Variants in CPQ observed in about 807,000 individuals in gnomAD.
CPQ encodes Ser-Met dipeptidase.
A neutral mutation model predicts 45.7 loss-of-function variants in CPQ; 37 were observed. The ratio of observed to expected loss-of-function variants is 0.81; its 90% CI spans 0.62 to 1.07. The LOEUF (loss-of-function observed/expected upper bound fraction) is 1.07, where lower values mean the gene tolerates loss of function less well. Ranked by LOEUF, CPQ falls within the 50% of genes least tolerant of loss-of-function variation. The pLI is 0.00. For synonymous variants in CPQ, 186 were observed against 205.8 expected, an observed-to-expected ratio of 0.90 and a Z score of 0.82; for missense variants, 537 against 572.9, an observed-to-expected ratio of 0.94 and a Z score of 0.64.
intron 5 of CPQ, among the ~76,000 whole-genome samples, chr8:97,009,066 C>T (rs1158558269): frequency 6.6e-6 from 1 of 152,208 alleles, no homozygotes; most frequent in Non-Finnish European, 1.5e-5. Flanking sequence ...GATCCCATCT[C>T]GTCCTATCCA....
chr8:96,670,310 A>ATTTTTTTTTTT (rs76070257), intron 1 of CPQ, among the ~76,000 whole-genome samples: 2 of 143,996 alleles, frequency 1.4e-5, no homozygotes, highest in African/African-American at 5.3e-5. Context: ...GAGTGACTCA[A>ATTTTTTTTTTT]TTTTTTTTTT....
intron 1 of CPQ, among the ~76,000 whole-genome samples, chr8:96,731,274 C>T (rs562567817): frequency 3.1e-4 from 47 of 152,202 alleles, no homozygotes; most frequent in African/African-American, 1.0e-3. Flanking sequence ...ACCTATCTCA[C>T]AGGTTGTAAT....
intron 7 of CPQ, among the ~76,000 whole-genome samples, chr8:97,112,163 T>A (rs535779481): frequency 1.2e-3 from 86 of 69,414 alleles, no homozygotes; most frequent in East Asian, 4.0e-3. Flanking sequence ...TTTTTTTTTA[T>A]TTTTTTTTTT....
At chr8:96,653,578 C>A (rs926915633) in intron 1 of CPQ, among the ~76,000 whole-genome samples, 4 of 152,068 alleles carry the variant, frequency 2.6e-5, no homozygotes, top group Non-Finnish European at 5.9e-5. Context: ...GGAAGCCTTA[C>A]CAGTAACATA....
At chr8:96,965,172 G>A (rs932811254) in intron 4 of CPQ, among the ~76,000 whole-genome samples, 3 of 151,708 alleles carry the variant, frequency 2.0e-5, no homozygotes, top group African/African-American at 4.8e-5. Context: ...AATCTATAAT[G>A]CATAAAACAA....
At chr8:96,894,477 C>A (rs1335971216) in intron 4 of CPQ, among the ~76,000 whole-genome samples, 6 of 151,976 alleles carry the variant, frequency 3.9e-5, no homozygotes, top group Non-Finnish European at 8.8e-5. Flanking sequence ...GGCAAAGAGG[C>A]AAGTGTATGC....
chr8:96,962,278 T>C lies in CPQ; in HGVS notation c.850-3657T>C, dbSNP rs534536509. Among the ~76,000 whole-genome samples, 101 of 152,330 alleles carry C rather than the reference T, an allele frequency of 6.6e-4. 1 individual carries two copies. The South Asian group carries it at 0.021, about 31-fold the overall frequency. ...TGTTTTGTTACAGCTGCTACTGCTG[T>C]TGTTGTTTTCAGAGTAACTTTTTAC... On this transcript the variant is annotated intron_variant, in intron 4 of 7. Transcript: ENST00000220763.
At chr8:96,937,838 A>G (rs1438879065) in intron 4 of CPQ, among the ~76,000 whole-genome samples, 3 of 152,212 alleles carry the variant, frequency 2.0e-5, no homozygotes, top group African/African-American at 7.2e-5. Context: ...TATTCACAGG[A>G]TTACAGTGTC....
At chr8:97,121,540 A>G (rs879748018) in intron 7 of CPQ, among the ~76,000 whole-genome samples, 2 of 152,246 alleles carry the variant, frequency 1.3e-5, no homozygotes, top group Non-Finnish European at 2.9e-5. Flanking sequence ...TGCCAAAACA[A>G]TAGCCAACAC....
At chr8:96,734,155 C>A (rs1809947916) in intron 1 of CPQ, among the ~76,000 whole-genome samples, 1 of 152,136 alleles carries the variant, frequency 6.6e-6, no homozygotes, top group Admixed American at 6.5e-5. Flanking sequence ...ATTTGAGACA[C>A]ATCATCTTCC....
chr8:96,776,622 C>T lies in CPQ; in HGVS notation c.-34-8242C>T, dbSNP rs570243188. Reference sequence around the variant, plus strand: ...ATCAAAGGGCTTTGTTTTGTTTCCTCGAAATATAAACCTATTATTAGAATA... The same window carrying T: ...ATCAAAGGGCTTTGTTTTGTTTCCTTGAAATATAAACCTATTATTAGAATA... On this transcript the variant is annotated intron_variant, in intron 1 of 7. Coordinates refer to ENST00000220763, the MANE Select transcript of CPQ (RefSeq NM_016134.4). 5.3e-4 allele frequency among the ~76,000 whole-genome samples: 81 copies of T among 151,868 alleles called. No individual in the cohort carries two copies. In the South Asian group the frequency reaches 0.014, roughly 27 times the overall value.
intron 1 of CPQ, among the ~76,000 whole-genome samples, chr8:96,687,881 T>G (rs887358665): frequency 3.9e-5 from 6 of 152,124 alleles, no homozygotes; most frequent in African/African-American, 1.4e-4. Context: ...TTTTTTTTTG[T>G]TTGCAAATGG....
intron 7 of CPQ, among the ~76,000 whole-genome samples, chr8:97,122,827 G>A (rs1811730491): frequency 1.3e-5 from 2 of 148,302 alleles, no homozygotes; most frequent in African/African-American, 5.0e-5. Context: ...AGAGGTTTCA[G>A]TGAGCCAATA....
intron 1 of CPQ, among the ~76,000 whole-genome samples, chr8:96,750,069 G>A (rs1167622036): frequency 6.6e-6 from 1 of 151,698 alleles, no homozygotes; most frequent in South Asian, 2.1e-4. Context: ...TCAGATTTAA[G>A]AATCTATTTA....
At chr8:96,687,695 T>C (rs1316418411) in intron 1 of CPQ, among the ~76,000 whole-genome samples, 1 of 152,180 alleles carries the variant, frequency 6.6e-6, no homozygotes, top group Non-Finnish European at 1.5e-5. Flanking sequence ...TCGATTGTTA[T>C]TTCCCAGATA....
At chr8:97,030,096 AGAT>A in intron 6 of CPQ, among the ~76,000 whole-genome samples, 1 of 152,356 alleles carries the variant, frequency 6.6e-6, no homozygotes, top group Admixed American at 6.5e-5. Flanking sequence ...GGGGATAGGG[AGAT>A]TAATATCAAG....
intron 4 of CPQ, among the ~76,000 whole-genome samples, chr8:96,902,705 C>T (rs1798801558): frequency 6.6e-6 from 1 of 152,160 alleles, no homozygotes; most frequent in Non-Finnish European, 1.5e-5. Context: ...CTCTTCTTGC[C>T]ACTTCAGGAC....
chr8:96,897,418 AAAG>A (rs1425513218), intron 4 of CPQ, among the ~76,000 whole-genome samples: 4 of 152,136 alleles, frequency 2.6e-5, no homozygotes, highest in Non-Finnish European at 4.4e-5. Context: ...TAACTGTATG[AAAG>A]AAGAACACGT....
At chr8:97,076,293 G>A (rs756570958) in intron 7 of CPQ, among the ~76,000 whole-genome samples, 29 of 151,976 alleles carry the variant, frequency 1.9e-4, no homozygotes, top group Non-Finnish European at 3.5e-4. Context: ...CAAAGTGCTG[G>A]GATTACAGTC....
Sources: gnomAD v4.1 joint callset for allele counts (sites outside exome capture counted in the v4.1 genomes callset) on GRCh38, gnomAD v4.1.1 for gene constraint, MANE v1.5 for transcripts, NCBI Gene and HGNC (gene_info 2026-07-23, HGNC 2026-07-21) for gene names.